The following DNAAF9 variants were observed in gnomAD, a reference collection of about 807,000 sequenced individuals.
DNAAF9 encodes the protein dynein axonemal assembly factor 9, also known as shulin.
In DNAAF9, 90 loss-of-function variants were observed where a neutral mutation model predicts 167.0. That is an observed-to-expected ratio of 0.54 (90% CI 0.45 to 0.64). The LOEUF (loss-of-function observed/expected upper bound fraction) is 0.64, where lower values mean the gene tolerates loss of function less well. DNAAF9 is among the 30% of genes least tolerant of loss of function. The pLI, the probability that DNAAF9 is intolerant of heterozygous loss-of-function variation, is 0.00. For synonymous variants in DNAAF9, 491 were observed against 508.8 expected, an observed-to-expected ratio of 0.96 and a Z score of 0.47; for missense variants, 1,315 against 1,442.2, an observed-to-expected ratio of 0.91 and a Z score of 1.43.
intron 7 of DNAAF9, among the ~76,000 whole-genome samples, chr20:3,355,734 T>C (rs961124285): frequency 1.3e-5 from 2 of 152,214 alleles, no homozygotes; most frequent in African/African-American, 4.8e-5. Context: ...GAACCTTTAA[T>C]AAACCCTACT....
At chr20:3,292,709 T>C (rs1000426180) in intron 25 of DNAAF9, among the ~76,000 whole-genome samples, 23 of 149,892 alleles carry the variant, frequency 1.5e-4, no homozygotes, top group African/African-American at 5.4e-4. Flanking sequence ...GAGGTTGCAG[T>C]GAGCCGAGAT....
At position 3,376,210 on chromosome 20, in the gene DNAAF9, T is replaced by C. The variant is rs1201250113; in HGVS notation, c.376A>G (p.Asn126Asp). The change falls in exon 4 of 37, where the codon AAT becomes GAT. Residue 126 changes from asparagine (N) to aspartate (D), a missense_variant. By Grantham distance (23) the Asn-to-Asp change is conservative (BLOSUM62 1). Coordinates refer to ENST00000252032, the MANE Select transcript of DNAAF9 (RefSeq NM_001009984.3). ...TCGGTCATGCAGTGGAAATGCAGAT[T>C]TCTCCAATGTGCCACATAAGGTAAG... is the stretch of plus-strand genomic sequence containing the variant. ...YLLPYVAHWR[N>D]LHFHCMTENE... The C allele has an allele frequency of 1.2e-6, 2 of 1,613,954 alleles. No homozygotes were observed. The highest frequency in any genetic ancestry group is 1.1e-5 in the South Asian group (1 of 91,048).
intron 1 of DNAAF9, among the ~76,000 whole-genome samples, chr20:3,400,319 A>G (rs2083965235): frequency 2.0e-5 from 3 of 152,210 alleles, no homozygotes; most frequent in South Asian, 4.1e-4. Context: ...AAATTCAAAT[A>G]AAAGCTGGAG....
rs185991875 is a variant in DNAAF9 at position 3,287,471 on chromosome 20, T to A, written c.2486+161A>T. Among the ~76,000 whole-genome samples, 28 of 152,372 alleles carry A rather than the reference T, an allele frequency of 1.8e-4. No individual in the cohort carries two copies. In the East Asian group the frequency reaches 5.0e-3, roughly 27 times the overall value. ...CTATACTAGCCTATAGGCCATAGGA[T>A]GGCAATAGGGTCATTGCTCGCTTAA... On this transcript the variant is annotated intron_variant, in intron 27 of 36. Transcript: ENST00000252032.
At chr20:3,385,442 G>C (rs1219933293) in intron 1 of DNAAF9, among the ~76,000 whole-genome samples, 1 of 151,912 alleles carries the variant, frequency 6.6e-6, no homozygotes, top group Admixed American at 6.6e-5. Context: ...TTTAGACACA[G>C]GGTCTTGCTC....
intron 6 of DNAAF9, among the ~76,000 whole-genome samples, chr20:3,364,574 A>G (rs547191784): frequency 2.0e-5 from 3 of 152,332 alleles, no homozygotes; most frequent in South Asian, 2.1e-4. Flanking sequence ...CCAAATCACT[A>G]TAATAAAGTG....
chr20:3,383,008 T>C (rs1192629916), intron 1 of DNAAF9, among the ~76,000 whole-genome samples: 2 of 151,828 alleles, frequency 1.3e-5, no homozygotes, highest in Non-Finnish European at 2.9e-5. Flanking sequence ...ATATAGGGAG[T>C]GTCAGCAGAG....
chr20:3,319,920 T>C (rs1283920869), intron 16 of DNAAF9, among the ~76,000 whole-genome samples: 2 of 152,210 alleles, frequency 1.3e-5, no homozygotes, highest in East Asian at 3.8e-4. Flanking sequence ...AGAACCCTCC[T>C]GAGCTACATG....
At chr20:3,348,656 G>T in intron 7 of DNAAF9, 33 bp from the exon 8 acceptor site, 2 of 1,345,396 alleles carry the variant, frequency 1.5e-6, no homozygotes, top group South Asian at 1.3e-5. Flanking sequence ...AACGTGTTTG[G>T]TCATATAAAG....
chr20:3,316,267 C>T (rs922752316), intron 18 of DNAAF9, among the ~76,000 whole-genome samples: 4 of 152,126 alleles, frequency 2.6e-5, no homozygotes, highest in African/African-American at 9.7e-5. Flanking sequence ...TTCCAAGGCC[C>T]CAGTTTCAGA....
intron 30 of DNAAF9, among the ~76,000 whole-genome samples, chr20:3,266,047 C>T (rs972818398): frequency 4.6e-5 from 7 of 152,188 alleles, no homozygotes; most frequent in African/African-American, 1.7e-4. Context: ...GTTTGATTCT[C>T]ATGGTGTTGA....
chr20:3,267,541 A>T (rs1185872853), intron 30 of DNAAF9, among the ~76,000 whole-genome samples: 2 of 141,806 alleles, frequency 1.4e-5, no homozygotes, highest in African/African-American at 2.8e-5. Context: ...ATACATTTTT[A>T]AAAATAATGA....
chr20:3,331,426 T>C (rs532261346), intron 11 of DNAAF9, among the ~76,000 whole-genome samples: 2 of 152,286 alleles, frequency 1.3e-5, no homozygotes, highest in Admixed American at 6.5e-5. Flanking sequence ...CTCTCCTCTG[T>C]GTAGCAATGC....
intron 7 of DNAAF9, among the ~76,000 whole-genome samples, chr20:3,353,625 C>T (rs1373443316): frequency 3.0e-5 from 2 of 66,408 alleles, no homozygotes; most frequent in Non-Finnish European, 5.7e-5. Context: ...GAGACCCTGT[C>T]CCCCCGCACC....
At chr20:3,267,955 A>C (rs2068517784) in intron 30 of DNAAF9, among the ~76,000 whole-genome samples, 1 of 152,136 alleles carries the variant, frequency 6.6e-6, no homozygotes, top group Non-Finnish European at 1.5e-5. Flanking sequence ...GATTATGTTC[A>C]AAAGTTACTT....
chr20:3,278,113 G>A (rs894683646), intron 29 of DNAAF9, among the ~76,000 whole-genome samples: 4 of 152,176 alleles, frequency 2.6e-5, no homozygotes, highest in African/African-American at 9.6e-5. Context: ...CAGATAATAT[G>A]ACTAGAAAGT....
At chr20:3,332,936 T>TGTGTGTGTGG (rs1274103488) in intron 10 of DNAAF9, among the ~76,000 whole-genome samples, 14 of 150,464 alleles carry the variant, frequency 9.3e-5, no homozygotes, top group African/African-American at 2.9e-4. Flanking sequence ...TGTGTGTGTG[T>TGTGTGTGTGG]GGTTTAAACC....
chr20:3,369,345 A>T (rs1296884101), intron 6 of DNAAF9, among the ~76,000 whole-genome samples: 1 of 150,958 alleles, frequency 6.6e-6, no homozygotes, highest in Non-Finnish European at 1.5e-5. Context: ...TGGATATTAG[A>T]CTTCTTAGAT....
chr20:3,362,564 G>C (rs1360327667), intron 6 of DNAAF9, among the ~76,000 whole-genome samples: 4 of 151,776 alleles, frequency 2.6e-5, no homozygotes, highest in African/African-American at 9.7e-5. Flanking sequence ...TGTCTCAACA[G>C]TAACACTATT....
Sources: allele counts gnomAD v4.1 joint callset (sites outside exome capture counted in the v4.1 genomes callset), GRCh38; gene constraint gnomAD v4.1.1; transcripts MANE v1.5; gene names NCBI Gene and HGNC (gene_info 2026-07-23, HGNC 2026-07-21).